The following ZFAT variants were observed in gnomAD, a reference collection of about 807,000 sequenced individuals.
ZFAT encodes the protein zinc finger and AT-hook domain containing.
Under a neutral mutation model 117.7 loss-of-function variants are expected in ZFAT, and 64 were observed. The ratio of observed to expected loss-of-function variants is 0.54; its 90% CI spans 0.44 to 0.67. ZFAT has a LOEUF of 0.67. Ranked by LOEUF, ZFAT falls within the 30% of genes least tolerant of loss-of-function variation. The pLI, the probability that ZFAT is intolerant of heterozygous loss-of-function variation, is 0.00. For synonymous variants in ZFAT, 679 were observed against 615.0 expected (o/e 1.10, Z -1.54); for missense variants, 1,433 against 1,584.5 (o/e 0.90, Z 1.62).
rs78263534 is a variant in ZFAT at position 134,549,822 on chromosome 8, A to C, written c.2976+15511T>G. On this transcript the variant is annotated intron_variant, in intron 11 of 15. Coordinates refer to ENST00000377838, the MANE Select transcript of ZFAT (RefSeq NM_020863.4). ...TGGTGCACTCCACCTGACCCAAACAAACACACCAGACCCCCGTGACCCACT... is the reference window on the plus strand; with the variant it reads ...TGGTGCACTCCACCTGACCCAAACACACACACCAGACCCCCGTGACCCACT... 7.5e-3 allele frequency among the ~76,000 whole-genome samples: 1,140 copies of C among 152,216 alleles called. 26 individuals are homozygous for C. The highest frequency in any genetic ancestry group is 0.026 in the African/African-American group (1,085 of 41,536).
the ZFAT span, among the ~76,000 whole-genome samples, chr8:134,728,972 T>G: frequency 3.3e-5 from 5 of 152,208 alleles, no homozygotes; most frequent in Admixed American, 3.3e-4. Context: ...TTATTTTCAA[T>G]TTTGAAATTG....
intron 13 of ZFAT, among the ~76,000 whole-genome samples, chr8:134,517,176 C>T (rs565340929): frequency 6.6e-6 from 1 of 152,266 alleles, no homozygotes; most frequent in South Asian, 2.1e-4. Context: ...TTGTTCCTCT[C>T]CACGTAGTCA....
intron 11 of ZFAT, among the ~76,000 whole-genome samples, chr8:134,539,110 C>T (rs1437916416): frequency 3.9e-5 from 6 of 152,088 alleles, no homozygotes; most frequent in African/African-American, 7.2e-5. Flanking sequence ...AACTGGGTTC[C>T]GAAAAACCTG....
intron 12 of ZFAT, among the ~76,000 whole-genome samples, chr8:134,532,371 G>C (rs112645599): frequency 6.6e-6 from 1 of 152,178 alleles, no homozygotes; most frequent in African/African-American, 2.4e-5. Flanking sequence ...CACAATGTTC[G>C]ATAACAGAAT....
At chr8:134,488,418 A>G (rs1817807481) in intron 15 of ZFAT, among the ~76,000 whole-genome samples, 1 of 152,228 alleles carries the variant, frequency 6.6e-6, no homozygotes, top group Non-Finnish European at 1.5e-5. Flanking sequence ...GTGAAGTTAC[A>G]TAACATCAGC....
the ZFAT span, among the ~76,000 whole-genome samples, chr8:134,822,154 C>T: frequency 2.0e-5 from 3 of 152,000 alleles, no homozygotes; most frequent in Non-Finnish European, 4.4e-5. Flanking sequence ...CCTACGATGG[C>T]TGTTGAGAAA....
intron 2 of ZFAT, among the ~76,000 whole-genome samples, chr8:134,650,242 C>T (rs1831158390): frequency 6.6e-6 from 1 of 151,564 alleles, no homozygotes; most frequent in African/African-American, 2.4e-5. Flanking sequence ...TCTGCTGCCT[C>T]AGCCTCCCGA....
At position 134,565,314 on chromosome 8, in the gene ZFAT, T is replaced by C. The variant is rs927883903; in HGVS notation, c.2976+19A>G. On this transcript the variant is annotated intron_variant, in intron 11 of 15. Coordinates refer to ENST00000377838, the MANE Select transcript of ZFAT (RefSeq NM_020863.4). The stretch of plus-strand genomic sequence containing the variant: ...CTTTTTTGTCTGAACATCTGCCTTC[T>C]TCTCCAGAGCCCTCTTACCTTGAAG... 10 of 1,612,194 alleles carry C rather than the reference T, an allele frequency of 6.2e-6. No individual in the cohort carries two copies. In the African/African-American group the frequency reaches 1.1e-4, roughly 17 times the overall value.
chr8:134,733,300 C>A, the ZFAT span, among the ~76,000 whole-genome samples: 3 of 152,330 alleles, frequency 2.0e-5, no homozygotes, highest in South Asian at 6.2e-4. Context: ...TCCCCAAGTC[C>A]TCCACGGCCA....
rs116649404 is a variant in ZFAT at position 134,684,602 on chromosome 8, A to G, written c.20-26865T>C. 8.0e-3 allele frequency among the ~76,000 whole-genome samples: 1,218 copies of G among 152,322 alleles called. 14 individuals are homozygous for G. Among genetic ancestry groups the G allele is most frequent in the African/African-American group, 0.027 (1,106 of 41,576 alleles). On this transcript the variant is annotated intron_variant, in intron 1 of 15. Coordinates refer to ENST00000377838, the MANE Select transcript of ZFAT (RefSeq NM_020863.4). The stretch of plus-strand genomic sequence containing the variant: ...ACGTTGATTAGATGTTTGACTGGAC[A>G]GGGTAGGGATATGTCTTACACTTCT...
At chr8:134,640,147 A>G (rs751128078) in intron 2 of ZFAT, among the ~76,000 whole-genome samples, 3 of 152,214 alleles carry the variant, frequency 2.0e-5, no homozygotes, top group Non-Finnish European at 4.4e-5. Flanking sequence ...TCTGATTTGC[A>G]TCCTTTGAGT....
At chr8:134,552,133 T>C (rs563566380) in intron 11 of ZFAT, among the ~76,000 whole-genome samples, 1 of 152,330 alleles carries the variant, frequency 6.6e-6, no homozygotes, top group East Asian at 1.9e-4. Flanking sequence ...CTGTTACTTT[T>C]GATGTCTATT....
intron 1 of ZFAT, among the ~76,000 whole-genome samples, chr8:134,664,709 G>C (rs1453454716): frequency 6.6e-6 from 1 of 152,190 alleles, no homozygotes; most frequent in Non-Finnish European, 1.5e-5. Flanking sequence ...TAACAACAAA[G>C]GAGCCACTTT....
chr8:134,781,884 C>T, the ZFAT span, among the ~76,000 whole-genome samples: 320 of 152,286 alleles, frequency 2.1e-3, 2 homozygotes, highest in Non-Finnish European at 2.9e-3. Context: ...ACATTCTTTT[C>T]CCTAGCTTAA....
rs560805809 is a variant in ZFAT, at chr8:134,561,601, C to T, written c.2976+3732G>A. 1.4e-4 allele frequency among the ~76,000 whole-genome samples: 22 copies of T among 152,144 alleles called. No homozygotes were observed. The South Asian group carries it at 4.6e-3, about 32-fold the overall frequency. On this transcript the variant is annotated intron_variant, in intron 11 of 15. Coordinates refer to ENST00000377838, the MANE Select transcript of ZFAT (RefSeq NM_020863.4). ...ATAAGAAATATGTACTTTTAAAAGG[C>T]AATACAGGAATTTGCCCTTATTATA...
intron 10 of ZFAT, among the ~76,000 whole-genome samples, chr8:134,565,928 C>T (rs1223501735): frequency 1.3e-5 from 2 of 151,816 alleles, no homozygotes; most frequent in Admixed American, 6.6e-5. Flanking sequence ...TCTGGACCAT[C>T]TCACAAGGAC....
At chr8:134,695,692 CCAGGCAGCATCTCTAACCAAGGAGGCG>C (rs1833797441) in intron 1 of ZFAT, among the ~76,000 whole-genome samples, 3 of 150,916 alleles carry the variant, frequency 2.0e-5, no homozygotes, top group Non-Finnish European at 4.4e-5. Context: ...CCCCCCAGGC[CCAGGCAGCATCTCTAACCAAGGAGGCG>C]CTGCCCCCAG....
At chr8:134,669,399 A>C (rs1187116027) in intron 1 of ZFAT, among the ~76,000 whole-genome samples, 2 of 152,228 alleles carry the variant, frequency 1.3e-5, no homozygotes, top group Non-Finnish European at 2.9e-5. Context: ...CTAACAACGG[A>C]TCTCTCGGCG....
At chr8:134,701,847 T>A (rs76131800) in intron 1 of ZFAT, among the ~76,000 whole-genome samples, 4 of 152,230 alleles carry the variant, frequency 2.6e-5, no homozygotes, top group Non-Finnish European at 5.9e-5. Flanking sequence ...TGGGGCTTGC[T>A]ATGCTTTCAA....
Sources: gnomAD v4.1 joint callset for allele counts (sites outside exome capture counted in the v4.1 genomes callset) on GRCh38, gnomAD v4.1.1 for gene constraint, MANE v1.5 for transcripts, NCBI Gene and HGNC (gene_info 2026-07-23, HGNC 2026-07-21) for gene names.